CDC37L1: variants seen among roughly 807,000 people sequenced by gnomAD.
The protein encoded by CDC37L1 is cell division cycle 37 like 1, HSP90 cochaperone, also known as hsp90 co-chaperone Cdc37-like 1.
A neutral mutation model predicts 45.9 loss-of-function variants in CDC37L1; 32 were observed. The observed-to-expected ratio is 0.70, with a 90% CI of 0.53 to 0.94. The LOEUF is 0.94. Ranked by LOEUF, CDC37L1 falls within the 40% of genes least tolerant of loss-of-function variation. CDC37L1 has a pLI of 0.00. For synonymous variants in CDC37L1, 150 were observed against 133.0 expected, an observed-to-expected ratio of 1.13 and a Z score of -0.88; for missense variants, 434 against 405.7, an observed-to-expected ratio of 1.07 and a Z score of -0.60.
At chr9:4,692,040 T>A (rs961011705) in intron 3 of CDC37L1, among the ~76,000 whole-genome samples, 13 of 152,172 alleles carry the variant, frequency 8.5e-5, no homozygotes, top group Non-Finnish European at 1.5e-4. Flanking sequence ...CAGCTTTTTT[T>A]AATCTGTGTA....
rs145321388 is a variant in CDC37L1 at position 4,699,806 on chromosome 9, G to C, written c.747+1927G>C. 1.9e-3 allele frequency among the ~76,000 whole-genome samples: 292 copies of C among 152,100 alleles called. 1 individual carries two copies. The highest frequency in any genetic ancestry group is 0.017 in the Middle Eastern group (5 of 294). ...TAGTGGGGGTTTTGCTGAATAAACT[G>C]TGCGCATATCTTTTACATGCTCTTC... On this transcript the variant is annotated intron_variant, in intron 5 of 6. Coordinates refer to ENST00000381854, the MANE Select transcript of CDC37L1 (RefSeq NM_017913.4).
At chr9:4,679,984 T>C (rs1339436452) in intron 1 of CDC37L1, 85 bp downstream of exon 1, 1 of 1,521,182 alleles carries the variant, frequency 6.6e-7, no homozygotes, top group South Asian at 1.2e-5. Context: ...GACCCTCTTC[T>C]ACGCCTTTTT....
chr9:4,703,704 A>G (rs185388725), intron 6 of CDC37L1, among the ~76,000 whole-genome samples: 2 of 152,322 alleles, frequency 1.3e-5, no homozygotes, highest in East Asian at 1.9e-4. Flanking sequence ...ACATTATAGT[A>G]TCTTAAGCCT....
intron 1 of CDC37L1, among the ~76,000 whole-genome samples, chr9:4,680,533 C>T (rs1841181528): frequency 6.6e-6 from 1 of 152,138 alleles, no homozygotes; most frequent in Non-Finnish European, 1.5e-5. Context: ...TTGTGTTTTC[C>T]TTCAGACTTC....
chr9:4,681,170 T>C (rs1251755209), intron 1 of CDC37L1, among the ~76,000 whole-genome samples: 1 of 152,172 alleles, frequency 6.6e-6, no homozygotes, highest in Non-Finnish European at 1.5e-5. Context: ...TTTGAAGGCA[T>C]ATGAAGAGAA....
At chr9:4,702,678 G>A (rs913795065) in intron 6 of CDC37L1, among the ~76,000 whole-genome samples, 19 of 151,486 alleles carry the variant, frequency 1.3e-4, no homozygotes, top group African/African-American at 4.1e-4. Flanking sequence ...TCAGGAGATC[G>A]AGACCATCCT....
chr9:4,705,897 A>C, intron 6 of CDC37L1, 114 bp from the exon 7 acceptor site: 1 of 472,864 alleles, frequency 2.1e-6, no homozygotes, highest in Non-Finnish European at 3.9e-6. Context: ...CTACTGCTCT[A>C]CTACACTGCA....
At chr9:4,684,788 C>T in intron 1 of CDC37L1, 89 bp from the exon 2 acceptor site, 2 of 918,004 alleles carry the variant, frequency 2.2e-6, no homozygotes, top group Non-Finnish European at 3.3e-6. Flanking sequence ...AAATATTGTA[C>T]AGAAATCCTT....
At chr9:4,692,677 C>T (rs7847620) in intron 3 of CDC37L1, among the ~76,000 whole-genome samples, 48,614 of 151,944 alleles carry the variant, frequency 0.32, 8,581 homozygotes, top group African/African-American at 0.48. Context: ...TTTTATTTTC[C>T]GGATTTTAAA....
intron 1 of CDC37L1, among the ~76,000 whole-genome samples, chr9:4,681,721 T>G (rs1841195950): frequency 6.6e-6 from 1 of 152,252 alleles, no homozygotes; most frequent in Non-Finnish European, 1.5e-5. Flanking sequence ...TCTTACTGGC[T>G]TTAAGACTTA....
intron 1 of CDC37L1, among the ~76,000 whole-genome samples, chr9:4,681,983 T>A (rs545718542): frequency 6.6e-6 from 1 of 152,300 alleles, no homozygotes; most frequent in East Asian, 1.9e-4. Flanking sequence ...ACATGTTGGA[T>A]AGTTTGCCCA....
intron 3 of CDC37L1, among the ~76,000 whole-genome samples, chr9:4,695,382 T>C (rs1841338389): frequency 6.6e-6 from 1 of 152,214 alleles, no homozygotes. Flanking sequence ...ACTTCCATAA[T>C]CATTCTGTTT....
chr9:4,680,645 A>G (rs918242624), intron 1 of CDC37L1, among the ~76,000 whole-genome samples: 5 of 152,086 alleles, frequency 3.3e-5, no homozygotes, highest in Admixed American at 6.6e-5. Context: ...TCAGGGACCT[A>G]TCTTAGGGGA....
rs1841458854 is a variant in CDC37L1 at position 4,707,758 on chromosome 9, CTCT to C, written c.*1648_*1650del. ...TCTTTTTGTTCTGTTCTGAAGCAAG[CTCT>C]TATTTTTCCCTTTCTACCAAATTGA... On this transcript the variant is annotated 3_prime_UTR_variant, in exon 7 of 7. Coordinates refer to ENST00000381854, the MANE Select transcript of CDC37L1 (RefSeq NM_017913.4). 6.6e-6 allele frequency: 1 copy of C among 151,502 alleles called. No homozygotes were observed. Among genetic ancestry groups the C allele is most frequent in the Non-Finnish European group, 1.5e-5 (1 of 67,924 alleles). The allele number at this position is 151,502 out of a possible 1,614,324, so 9.4% of individuals were successfully genotyped here.
chr9:4,679,854 C>G lies in CDC37L1; in HGVS notation c.87C>G (p.Phe29Leu). The G allele has an allele frequency of 6.2e-7, 1 of 1,613,972 alleles. No individual in the cohort carries two copies. Among genetic ancestry groups the G allele is most frequent in the Non-Finnish European group, 8.5e-7 (1 of 1,179,970 alleles). Reference protein sequence around the residue: ...EAEEESDFDVFPSSPRCPQLP... With the variant: ...EAEEESDFDVLPSSPRCPQLP... The stretch of plus-strand genomic sequence containing the variant: ...AGGAAGAGAGTGACTTCGACGTGTT[C>G]CCCAGTTCTCCCCGCTGCCCGCAGC... Residue 29 changes from phenylalanine to leucine, a missense_variant, in exon 1 of 7, where the codon TTC becomes TTG. Coordinates refer to ENST00000381854, the MANE Select transcript of CDC37L1 (RefSeq NM_017913.4).
chr9:4,690,487 C>T (rs1379102961), intron 3 of CDC37L1, among the ~76,000 whole-genome samples: 4 of 151,992 alleles, frequency 2.6e-5, no homozygotes, highest in African/African-American at 9.7e-5. Context: ...ACTAGAACAT[C>T]CTTGAGGGGA....
At chr9:4,686,280 G>A (rs1326564940) in intron 2 of CDC37L1, among the ~76,000 whole-genome samples, 1 of 152,282 alleles carries the variant, frequency 6.6e-6, no homozygotes, top group Non-Finnish European at 1.5e-5. Flanking sequence ...AACACACACA[G>A]ATAAGTGTAC....
intron 6 of CDC37L1, 46 bp downstream of exon 6, chr9:4,702,074 C>T (rs1044961741): frequency 1.9e-6 from 2 of 1,031,890 alleles, no homozygotes; most frequent in Non-Finnish European, 1.3e-6. Context: ...TATTAATTCA[C>T]ATAATTTTTG....
chr9:4,694,266 G>C (rs898960264), intron 3 of CDC37L1, among the ~76,000 whole-genome samples: 1 of 152,136 alleles, frequency 6.6e-6, no homozygotes, highest in African/African-American at 2.4e-5. Context: ...TTTGTGTGGA[G>C]ACACGGTCTC....
Sources: gnomAD v4.1 joint callset for allele counts (sites outside exome capture counted in the v4.1 genomes callset) on GRCh38, gnomAD v4.1.1 for gene constraint, MANE v1.5 for transcripts, NCBI Gene and HGNC (gene_info 2026-07-23, HGNC 2026-07-21) for gene names.